USP25: variants seen among roughly 807,000 people sequenced by gnomAD.
The protein encoded by USP25 is ubiquitin specific peptidase 25.
Under a neutral mutation model 158.5 loss-of-function variants are expected in USP25, and 85 were observed. That is an observed-to-expected ratio of 0.54 (90% CI 0.45 to 0.64). The LOEUF (loss-of-function observed/expected upper bound fraction) is 0.64, where lower values mean the gene tolerates loss of function less well. Among genes scored for constraint, USP25 ranks in the 30% least tolerant of loss-of-function variants. USP25 has a pLI of 0.00. For synonymous variants in USP25, 464 were observed against 460.4 expected, an observed-to-expected ratio of 1.01 and a Z score of -0.10; for missense variants, 1,242 against 1,327.3, an observed-to-expected ratio of 0.94 and a Z score of 1.00.
rs559556593 is a variant in USP25 at position 15,825,467 on chromosome 21, G to A, written c.1304+406G>A. Among the ~76,000 whole-genome samples the A allele has an allele frequency of 5.9e-5, 9 of 152,292 alleles. No homozygotes were observed. The East Asian group carries it at 1.7e-3, about 29-fold the overall frequency. On this transcript the variant is annotated intron_variant, in intron 12 of 25. Transcript: ENST00000400183. Reference sequence around the variant, plus strand: ...CAGCAGCTTCGTAAAGGAGGAAATTGTGTCAGGTGTAAGATGGTATGTGCC... The same window carrying A: ...CAGCAGCTTCGTAAAGGAGGAAATTATGTCAGGTGTAAGATGGTATGTGCC...
At chr21:15,777,764 T>G (rs1401779250) in intron 3 of USP25, 140 bp from the exon 4 acceptor site, 6 of 722,238 alleles carry the variant, frequency 8.3e-6, no homozygotes, top group Non-Finnish European at 1.2e-5. Context: ...TTTGCATTTA[T>G]TTTTAGATAG....
intron 20 of USP25, among the ~76,000 whole-genome samples, chr21:15,862,883 A>G (rs1366168085): frequency 2.0e-5 from 3 of 152,032 alleles, no homozygotes; most frequent in Non-Finnish European, 2.9e-5. Context: ...TTACATAACT[A>G]GAATATTTCA....
intron 4 of USP25, among the ~76,000 whole-genome samples, chr21:15,779,423 A>G (rs1449939592): frequency 6.6e-6 from 1 of 152,000 alleles, no homozygotes; most frequent in Non-Finnish European, 1.5e-5. Context: ...GGGTTATAAA[A>G]AGAATGTATA....
intron 10 of USP25, among the ~76,000 whole-genome samples, chr21:15,819,536 T>TA: frequency 6.6e-6 from 1 of 152,246 alleles, no homozygotes; most frequent in African/African-American, 2.4e-5. Context: ...GTCTAGCTGT[T>TA]AAACTCCATG....
chr21:15,794,061 G>T (rs2035734867), intron 5 of USP25, among the ~76,000 whole-genome samples: 1 of 151,474 alleles, frequency 6.6e-6, no homozygotes, highest in South Asian at 2.1e-4. Flanking sequence ...GTAAAGTTTT[G>T]ATTACAAAAT....
At chr21:15,763,381 C>T (rs2123408779) in intron 2 of USP25, among the ~76,000 whole-genome samples, 1 of 152,102 alleles carries the variant, frequency 6.6e-6, no homozygotes, top group East Asian at 1.9e-4. Context: ...CATTTTTCTT[C>T]TCCTGAGAAG....
chr21:15,853,435 G>A (rs139511010), intron 20 of USP25, among the ~76,000 whole-genome samples: 51 of 152,218 alleles, frequency 3.4e-4, no homozygotes, highest in African/African-American at 1.2e-3. Flanking sequence ...TTATGGACAT[G>A]TGTCCTATAT....
Position 15,842,505 on chromosome 21 carries a change from C to G in USP25, c.2302C>G (p.His768Asp), listed in dbSNP as rs767853484. 2 of 1,613,646 alleles carry G rather than the reference C, an allele frequency of 1.2e-6. No individual in the cohort carries two copies. Among genetic ancestry groups the G allele is most frequent in the South Asian group, 2.2e-5 (2 of 91,070 alleles). The change falls in exon 18 of 26, where the codon CAT becomes GAT. Residue 768 changes from histidine to aspartate, a missense_variant. This residue lies in a region of USP25 where 608 missense variants were observed against 605.2 expected (regional missense o/e 1.00). Transcript: ENST00000400183. ...IQIITKASHE[H>D]EDKSPETVLQ... ...AATAATTACCAAGGCATCACATGAG[C>G]ATGAAGATAAAAGTCCTGAAACAGT...
chr21:15,811,284 A>G lies in USP25; in HGVS notation c.931+74A>G, dbSNP rs1383692807. 9 of 1,341,714 alleles carry G rather than the reference A, an allele frequency of 6.7e-6. No homozygotes were observed. The East Asian group carries it at 9.3e-5, about 14-fold the overall frequency. The allele number at this position is 1,341,714 out of a possible 1,614,324, so 83.1% of individuals were successfully genotyped here. A position where few individuals can be genotyped will look rare whatever the true frequency, so the allele number is the denominator to read the frequency against. On this transcript the variant is annotated intron_variant, in intron 9 of 25. Coordinates refer to ENST00000400183, the MANE Select transcript of USP25 (RefSeq NM_001283041.3). ...TCATTCATTCGTCTCGATAGTTACTATTTTTTTAGTGGACTTTATTTTTAA... is the reference window on the plus strand; with the variant it reads ...TCATTCATTCGTCTCGATAGTTACTGTTTTTTTAGTGGACTTTATTTTTAA...
chr21:15,812,094 C>G (rs1054733540), intron 9 of USP25, among the ~76,000 whole-genome samples: 2 of 151,070 alleles, frequency 1.3e-5, no homozygotes, highest in Non-Finnish European at 2.9e-5. Context: ...GTGGTAACAA[C>G]TTATATATAA....
In USP25 at chr21:15,824,181, A is replaced by G; in HGVS notation, c.1208+15A>G. 9.9e-6 allele frequency: 16 copies of G among 1,609,392 alleles called. No individual in the cohort carries two copies. The highest frequency in any genetic ancestry group is 1.4e-5 in the Non-Finnish European group (16 of 1,179,346). Reference sequence around the variant, plus strand: ...TATTTGGACAGGTATGGTTTGATATACTGCATGACTTAGTTTGAAACAGTT... The same window carrying G: ...TATTTGGACAGGTATGGTTTGATATGCTGCATGACTTAGTTTGAAACAGTT... On this transcript the variant is annotated intron_variant, in intron 11 of 25. Coordinates refer to ENST00000400183, the MANE Select transcript of USP25 (RefSeq NM_001283041.3).
chr21:15,827,829 G>T (rs759455570), intron 14 of USP25, among the ~76,000 whole-genome samples: 2 of 148,760 alleles, frequency 1.3e-5, no homozygotes, highest in African/African-American at 4.9e-5. Flanking sequence ...GTCCTTTCTT[G>T]GAAGGAACTC....
rs536493529 is a variant in USP25, at chr21:15,820,107, A to G, written c.1080+1261A>G. ...TGTTTAAATTCAGCTTATTTTATTG[A>G]TTGGGAAACAGATCTCTTAAGAGTG... On this transcript the variant is annotated intron_variant, in intron 10 of 25. Transcript: ENST00000400183. Among the ~76,000 whole-genome samples, 15 of 152,162 alleles carry G rather than the reference A, an allele frequency of 9.9e-5. No individual in the cohort carries two copies. The South Asian group carries it at 1.7e-3, about 17-fold the overall frequency.
chr21:15,737,597 T>G (rs569894889), intron 1 of USP25, among the ~76,000 whole-genome samples: 96 of 152,162 alleles, frequency 6.3e-4, no homozygotes, highest in Non-Finnish European at 1.0e-3. Flanking sequence ...TTAATGTTAG[T>G]TGTTTTAACT....
intron 4 of USP25, among the ~76,000 whole-genome samples, chr21:15,787,797 A>G (rs2035364475): frequency 6.6e-6 from 1 of 151,248 alleles, no homozygotes; most frequent in Non-Finnish European, 1.5e-5. Flanking sequence ...TGAGTGTAAT[A>G]CTTCCCAAAA....
At chr21:15,806,347 A>G (rs2036389827) in intron 7 of USP25, among the ~76,000 whole-genome samples, 1 of 151,744 alleles carries the variant, frequency 6.6e-6, no homozygotes, top group South Asian at 2.1e-4. Flanking sequence ...TGAGTATACA[A>G]TTAAATTTTT....
At chr21:15,807,342 C>CT (rs373908284) in intron 7 of USP25, among the ~76,000 whole-genome samples, 3 of 152,114 alleles carry the variant, frequency 2.0e-5, no homozygotes, top group African/African-American at 7.2e-5. Context: ...ATTGTGTTAG[C>CT]TAGGAAACCT....
intron 20 of USP25, among the ~76,000 whole-genome samples, chr21:15,859,644 T>A (rs1049811480): frequency 7.9e-5 from 12 of 152,146 alleles, no homozygotes; most frequent in Admixed American, 7.9e-4. Flanking sequence ...TTTTAAGTTT[T>A]ACAGAGTCTG....
intron 22 of USP25, among the ~76,000 whole-genome samples, chr21:15,867,209 T>C (rs1490492459): frequency 6.6e-6 from 1 of 152,130 alleles, no homozygotes; most frequent in Admixed American, 6.6e-5. Context: ...TTTAATCTTA[T>C]GCATTGTCTT....
Sources: allele counts gnomAD v4.1 joint callset (sites outside exome capture counted in the v4.1 genomes callset), GRCh38; gene constraint gnomAD v4.1.1; regional missense constraint gnomAD v4.1.1; transcripts MANE v1.5; gene names NCBI Gene and HGNC (gene_info 2026-07-23, HGNC 2026-07-21).